The following CREBBP variants were observed in gnomAD, a reference collection of about 807,000 sequenced individuals.
The protein encoded by CREBBP is CREB binding lysine acetyltransferase, also known as CREB-binding protein.
In CREBBP, 19 loss-of-function variants were observed where a neutral mutation model predicts 265.0. That is an observed-to-expected ratio of 0.07 (90% CI 0.05 to 0.11). The LOEUF is 0.11. Ranked by LOEUF, CREBBP falls within the 10% of genes least tolerant of loss-of-function variation. CREBBP has a pLI of 1.00. For missense variants in CREBBP, 2,525 were observed against 3,219.0 expected (o/e 0.78, Z 5.22); for synonymous variants, 1,457 against 1,223.7 (o/e 1.19, Z -3.98).
chr16:3,727,266 C>T lies in CREBBP; in HGVS notation c.*452G>A, dbSNP rs2051768383. On this transcript the variant is annotated 3_prime_UTR_variant, in exon 31 of 31. Transcript: ENST00000262367. ...GAAACATCACAAAGTTATCGGGATA[C>T]ATTATAAGCTTGCATTATTTCAGGA... 2 of 263,566 alleles carry T rather than the reference C, an allele frequency of 7.6e-6. No individual in the cohort carries two copies. Among genetic ancestry groups the T allele is most frequent in the Non-Finnish European group, 7.3e-6 (1 of 137,210 alleles). 16.3% of individuals were successfully genotyped at this position (263,566 alleles called of 1,614,324 possible). A position where few individuals can be genotyped will look rare whatever the true frequency, so the allele number is the denominator to read the frequency against.
intron 2 of CREBBP, among the ~76,000 whole-genome samples, chr16:3,821,756 G>A (rs1267828076): frequency 6.6e-6 from 1 of 152,212 alleles, no homozygotes; most frequent in Non-Finnish European, 1.5e-5. Context: ...TTGGCTGGGC[G>A]TGGTGGCTCA....
chr16:3,749,102 G>A (rs546371328), intron 21 of CREBBP, among the ~76,000 whole-genome samples: 2 of 152,320 alleles, frequency 1.3e-5, no homozygotes, highest in East Asian at 1.9e-4. Flanking sequence ...AGCCGAGATC[G>A]TGCCACTGCA....
chr16:3,806,287 T>C (rs1229188993), intron 3 of CREBBP, among the ~76,000 whole-genome samples: 1 of 152,124 alleles, frequency 6.6e-6, no homozygotes, highest in African/African-American at 2.4e-5. Context: ...TTCAGAGACG[T>C]AGATCAGCAG....
rs114904732 is a variant in CREBBP at position 3,787,489 on chromosome 16, G to A, written c.1330+4492C>T. Reference sequence around the variant, plus strand: ...GCTGTCCCCCATCCCACTACAGTCTGTCAAAAGAGGTGAAAATCTCTGAAG... The same window carrying A: ...GCTGTCCCCCATCCCACTACAGTCTATCAAAAGAGGTGAAAATCTCTGAAG... On this transcript the variant is annotated intron_variant, in intron 5 of 30. Coordinates refer to ENST00000262367, the MANE Select transcript of CREBBP (RefSeq NM_004380.3). 1.5e-3 allele frequency among the ~76,000 whole-genome samples: 228 copies of A among 152,234 alleles called. 1 individual carries two copies. Among genetic ancestry groups the A allele is most frequent in the African/African-American group, 5.3e-3 (222 of 41,540 alleles).
intron 2 of CREBBP, among the ~76,000 whole-genome samples, 183 bp from the exon 3 acceptor site, chr16:3,810,962 C>G (rs564603644): frequency 6.6e-6 from 1 of 152,060 alleles, no homozygotes; most frequent in East Asian, 1.9e-4. Context: ...CCACTCTCTC[C>G]TCACCCTAAA....
At position 3,731,178 on chromosome 16, in the gene CREBBP, G is replaced by A; in HGVS notation, c.5172+14C>T. On this transcript the variant is annotated intron_variant, in intron 30 of 30. Transcript: ENST00000262367. The surrounding 1 kb of genome is among the most constrained non-coding windows in gnomAD (Gnocchi z 7.7). ...CAGGCCGGCTGTGGGGGTGGGGGTG[G>A]GGGCAGGGCCTACCTCGCACACAGT... 1 of 1,605,772 alleles carries A rather than the reference G, an allele frequency of 6.2e-7. No individual in the cohort carries two copies. Among genetic ancestry groups the A allele is most frequent in the Non-Finnish European group, 8.5e-7 (1 of 1,174,638 alleles).
intron 1 of CREBBP, among the ~76,000 whole-genome samples, chr16:3,854,031 C>T (rs1425526091): frequency 6.6e-6 from 1 of 152,172 alleles, no homozygotes; most frequent in African/African-American, 2.4e-5. Flanking sequence ...GTGGCAGACC[C>T]TAATGTCTGC....
chr16:3,825,374 C>T (rs139598354), intron 2 of CREBBP, among the ~76,000 whole-genome samples: 2 of 152,268 alleles, frequency 1.3e-5, no homozygotes, highest in Non-Finnish European at 2.9e-5. Context: ...TTTTTGAAAG[C>T]CACAAACCAC....
At chr16:3,803,260 C>G (rs1490302468) in intron 3 of CREBBP, among the ~76,000 whole-genome samples, 1 of 8,454 alleles carries the variant, frequency 1.2e-4, no homozygotes, top group Non-Finnish European at 2.2e-4. Flanking sequence ...AGGCTGACGG[C>G]GGGGAGGGGG....
At chr16:3,743,796 C>G (rs1802432161) in intron 23 of CREBBP, 1 of 152,016 alleles carries the variant, frequency 6.6e-6, no homozygotes. Context: ...AAAAAAAAGT[C>G]AGCCGGGCGC....
chr16:3,796,485 C>T (rs1008067710), intron 3 of CREBBP, among the ~76,000 whole-genome samples: 3 of 151,756 alleles, frequency 2.0e-5, no homozygotes, highest in Non-Finnish European at 4.4e-5. Context: ...CTCCTGGGTT[C>T]AAGCGATTCT....
chr16:3,732,072 C>T (rs1048031033), intron 28 of CREBBP, 135 bp from the exon 29 acceptor site: 137 of 1,523,800 alleles, frequency 9.0e-5, no homozygotes, highest in Non-Finnish European at 1.1e-4. Context: ...CATACGTGAA[C>T]GGCTACAGGT....
chr16:3,849,430 T>TGTGTG (rs2054752106), intron 2 of CREBBP, among the ~76,000 whole-genome samples: 14 of 8,584 alleles, frequency 1.6e-3, no homozygotes, highest in Admixed American at 4.9e-3. Context: ...TGTGTGTGTG[T>TGTGTG]GTGTGTGTGT....
At chr16:3,854,852 T>C (rs1386244951) in intron 1 of CREBBP, among the ~76,000 whole-genome samples, 1 of 152,242 alleles carries the variant, frequency 6.6e-6, no homozygotes, top group Non-Finnish European at 1.5e-5. Flanking sequence ...CCCACCTGTC[T>C]GTAAGGAATG....
In CREBBP at chr16:3,731,477, C is replaced by A. The variant is rs746909979; in HGVS notation, c.4891-4G>T. ...GCAGGTGGATCACGAAGAAGACCTGCAGGAGAGGAGGGGCTTTAGTCCCAC... is the reference window on the plus strand; with the variant it reads ...GCAGGTGGATCACGAAGAAGACCTGAAGGAGAGGAGGGGCTTTAGTCCCAC... On this transcript the variant is annotated splice_polypyrimidine_tract_variant and splice_region_variant and intron_variant, in intron 29 of 30. Coordinates refer to ENST00000262367, the MANE Select transcript of CREBBP (RefSeq NM_004380.3). This position sits in a 1 kb window ranked among gnomAD's most constrained non-coding sequence, Gnocchi z 7.7. 1.3e-6 allele frequency: 2 copies of A among 1,580,260 alleles called. No individual in the cohort carries two copies. Among genetic ancestry groups the A allele is most frequent in the South Asian group, 1.1e-5 (1 of 87,144 alleles).
At chr16:3,845,049 T>C (rs1180635513) in intron 2 of CREBBP, among the ~76,000 whole-genome samples, 1 of 152,178 alleles carries the variant, frequency 6.6e-6, no homozygotes, top group African/African-American at 2.4e-5. Context: ...ATCTTATAAA[T>C]CCAAAATCCC....
At chr16:3,852,834 A>G (rs927993645) in intron 1 of CREBBP, among the ~76,000 whole-genome samples, 4 of 152,152 alleles carry the variant, frequency 2.6e-5, no homozygotes, top group African/African-American at 4.8e-5. Context: ...TTTTCTCTGA[A>G]GCGTGGTCTA....
chr16:3,726,179 A>G lies in CREBBP; in HGVS notation c.*1539T>C, dbSNP rs2051737954. 4.4e-6 allele frequency: 1 copy of G among 226,686 alleles called. No individual in the cohort carries two copies. Among genetic ancestry groups the G allele is most frequent in the South Asian group, 1.9e-4 (1 of 5,402 alleles). The allele number at this position is 226,686 out of a possible 1,614,324, so 14.0% of individuals were successfully genotyped here. On this transcript the variant is annotated 3_prime_UTR_variant, in exon 31 of 31. Transcript: ENST00000262367. ...GCGGCAGCGGCAGGATTTGGGGGGA[A>G]GTCAGAAAGCACCTCGCGAGCCTGG... is the stretch of plus-strand genomic sequence containing the variant.
chr16:3,774,586 T>C lies in CREBBP; in HGVS notation c.2266A>G (p.Met756Val), dbSNP rs758756046. 4.3e-6 allele frequency: 7 copies of C among 1,614,074 alleles called. No homozygotes were observed. In the African/African-American group the frequency reaches 9.3e-5, roughly 22 times the overall value. ...PMNHSVQMNS[M>V]GSVPGMAISP... ...ACACTTACCCCTGGCACTGAGCCCA[T>C]GCTGTTCATCTGGACAGAGTGGTTC... Residue 756 changes from methionine to valine, a missense_variant, in exon 12 of 31, where the codon ATG becomes GTG. This residue lies in a region of CREBBP where 548 missense variants were observed against 533.0 expected (regional missense o/e 1.03). Coordinates refer to ENST00000262367, the MANE Select transcript of CREBBP (RefSeq NM_004380.3).
Sources: gnomAD v4.1 joint callset for allele counts (sites outside exome capture counted in the v4.1 genomes callset) on GRCh38, gnomAD v4.1.1 for gene constraint, gnomAD v4.1.1 regional missense constraint, Gnocchi (gnomAD v3.1) non-coding constraint, MANE v1.5 for transcripts, NCBI Gene and HGNC (gene_info 2026-07-23, HGNC 2026-07-21) for gene names.